The following ZBTB34 variants were observed in gnomAD, a reference collection of about 807,000 sequenced individuals.
ZBTB34 encodes the protein zinc finger and BTB domain containing 34, also known as zinc finger and BTB domain-containing protein 34.
A neutral mutation model predicts 33.4 loss-of-function variants in ZBTB34; 1 was observed. That is an observed-to-expected ratio of 0.03 (90% confidence interval 0.01 to 0.14). The LOEUF is 0.14. ZBTB34 is among the 10% of genes least tolerant of loss of function. The probability of loss-of-function intolerance (pLI) is 1.00; values close to 1 mark genes in which losing one functional copy is unlikely to be tolerated. For missense variants in ZBTB34, 406 were observed against 657.2 expected (o/e 0.62, Z 4.18); for synonymous variants, 283 against 253.5 (o/e 1.12, Z -1.11).
At chr9:126,867,283 T>C (rs10819241) in intron 1 of ZBTB34, among the ~76,000 whole-genome samples, 70,577 of 151,848 alleles carry the variant, frequency 0.46, 19,225 homozygotes, top group Non-Finnish European at 0.61. Context: ...TTGATAGATA[T>C]TACCAAATTA....
chr9:126,883,179 A>G lies in ZBTB34; in HGVS notation c.*2265A>G, dbSNP rs536785248. 6 of 166,348 alleles carry G rather than the reference A, an allele frequency of 3.6e-5. No individual in the cohort carries two copies. In the South Asian group the frequency reaches 6.2e-4, roughly 17 times the overall value. 10.3% of individuals were successfully genotyped at this position (166,348 alleles called of 1,614,324 possible). ...TGTTTGTGGGTTTTTTTTTCCTTAC[A>G]TGAATAAGTTTGGTTTTGATTTTTT... On this transcript the variant is annotated 3_prime_UTR_variant, in exon 2 of 2. Coordinates refer to ENST00000319119, the Ensembl canonical transcript of ZBTB34.
intron 1 of ZBTB34, among the ~76,000 whole-genome samples, chr9:126,862,439 G>GC (rs1320283160): frequency 6.6e-6 from 1 of 152,116 alleles, no homozygotes; most frequent in African/African-American, 2.4e-5. Flanking sequence ...GGTATGTCCA[G>GC]CCACCGCCCA....
rs146615070 is a variant in ZBTB34, at chr9:126,882,318, T to C, written c.*1404T>C. ...TAGAAAATGTGAAATCTGATGGTAATAATGAATTATAATTGTTTTCCTCTC... is the reference window on the plus strand; with the variant it reads ...TAGAAAATGTGAAATCTGATGGTAACAATGAATTATAATTGTTTTCCTCTC... On this transcript the variant is annotated 3_prime_UTR_variant, in exon 2 of 2. Transcript: ENST00000319119. 20 of 167,262 alleles carry C rather than the reference T, an allele frequency of 1.2e-4. No individual in the cohort carries two copies. In the East Asian group the frequency reaches 2.5e-3, roughly 21 times the overall value. The allele number at this position is 167,262 out of a possible 1,614,324, so 10.4% of individuals were successfully genotyped here.
Position 126,880,146 on chromosome 9 carries a change from C to G in ZBTB34, c.747C>G (p.Ser249Arg). Reference sequence around the variant, plus strand: ...AGATGGAGAAGTCCGACCGGCCCAGCTGTTCCGACAGCTCCTCCCTGGGTG... The same window carrying G: ...AGATGGAGAAGTCCGACCGGCCCAGGTGTTCCGACAGCTCCTCCCTGGGTG... Residue 249 changes from serine (S) to arginine (R), a missense_variant, in exon 2 of 2, where the codon AGC (serine) becomes AGG (arginine). This residue lies in a region of ZBTB34 where 137 missense variants were observed against 173.0 expected (regional missense o/e 0.79). Coordinates refer to ENST00000319119, the Ensembl canonical transcript of ZBTB34. This position sits in a 1 kb window ranked among gnomAD's most constrained non-coding sequence, Gnocchi z 6.7. The G allele has an allele frequency of 6.2e-7, 1 of 1,613,788 alleles. No individual in the cohort carries two copies.
intron 1 of ZBTB34, among the ~76,000 whole-genome samples, chr9:126,861,211 T>TGCCTCACGCCACC (rs2033139353): frequency 2.0e-5 from 3 of 152,104 alleles, no homozygotes; most frequent in African/African-American, 7.2e-5. Flanking sequence ...ACGGAGCCGC[T>TGCCTCACGCCACC]GCCTCACGCC....
chr9:126,878,869 G>A (rs777470441), intron 1 of ZBTB34, among the ~76,000 whole-genome samples: 3 of 151,958 alleles, frequency 2.0e-5, no homozygotes, highest in East Asian at 3.9e-4. Flanking sequence ...AATTACAGGT[G>A]CACAACACCA....
chr9:126,862,601 C>T (rs2119203085), intron 1 of ZBTB34, among the ~76,000 whole-genome samples: 1 of 152,298 alleles, frequency 6.6e-6, no homozygotes, highest in Non-Finnish European at 1.5e-5. Flanking sequence ...GCACTGGCCT[C>T]CTTTTTCTTT....
At chr9:126,865,876 T>C (rs947331475) in intron 1 of ZBTB34, among the ~76,000 whole-genome samples, 9 of 152,080 alleles carry the variant, frequency 5.9e-5, no homozygotes, top group Admixed American at 5.9e-4. Context: ...TCCCAGCTAC[T>C]CAGGAGGCTG....
intron 1 of ZBTB34, among the ~76,000 whole-genome samples, chr9:126,866,649 T>G (rs899356694): frequency 1.3e-5 from 2 of 152,186 alleles, no homozygotes; most frequent in African/African-American, 4.8e-5. Flanking sequence ...TCCTTGTAGT[T>G]CTTCGTTTCT....
intron 1 of ZBTB34, among the ~76,000 whole-genome samples, chr9:126,877,732 C>T (rs555663425): frequency 3.2e-4 from 48 of 152,268 alleles, no homozygotes; most frequent in African/African-American, 7.2e-4. Context: ...TGGCAGAGCG[C>T]GGTGGCTCAC....
At chr9:126,881,540 C>T (rs1174706655) in exon 2 of ZBTB34, 2 of 166,876 alleles carry the variant, frequency 1.2e-5, no homozygotes, top group Admixed American at 1.3e-4. Context: ...CTTCATTTCC[C>T]TTACAAAAGA....
At chr9:126,868,299 T>G (rs1414648765) in intron 1 of ZBTB34, among the ~76,000 whole-genome samples, 1 of 152,198 alleles carries the variant, frequency 6.6e-6, no homozygotes, top group Non-Finnish European at 1.5e-5. Flanking sequence ...GCAGCATTAC[T>G]TACCAAGCCT....
intron 1 of ZBTB34, among the ~76,000 whole-genome samples, chr9:126,871,184 T>G (rs908355803): frequency 6.5e-5 from 8 of 123,384 alleles, no homozygotes; most frequent in Non-Finnish European, 1.4e-4. Context: ...GTGAGGGGGG[T>G]GTGTGTGTGT....
At chr9:126,870,231 A>G (rs1588386798) in intron 1 of ZBTB34, among the ~76,000 whole-genome samples, 1 of 152,198 alleles carries the variant, frequency 6.6e-6, no homozygotes, top group South Asian at 2.1e-4. Flanking sequence ...TGAAAAACTA[A>G]TATAAATCAC....
chr9:126,863,694 T>G, intron 1 of ZBTB34: 1 of 985,440 alleles, frequency 1.0e-6, no homozygotes, highest in Non-Finnish European at 1.2e-6. Context: ...GAAAACCTCA[T>G]GGAAGAATGC....
intron 1 of ZBTB34, among the ~76,000 whole-genome samples, chr9:126,869,883 A>G (rs2033255953): frequency 6.6e-6 from 1 of 152,214 alleles, no homozygotes; most frequent in Non-Finnish European, 1.5e-5. Flanking sequence ...TGAACTTACC[A>G]AAAAACCATT....
At position 126,880,439 on chromosome 9, in the gene ZBTB34, G is replaced by T. The variant is rs1456488534; in HGVS notation, c.1040G>T (p.Ser347Ile). The change falls in exon 2 of 2, where the codon AGT becomes ATT. Residue 347 changes from serine to isoleucine, a missense_variant. By Grantham distance (142) the Ser-to-Ile change is moderately radical. This residue lies in a region of ZBTB34 where 123 missense variants were observed against 140.4 expected (regional missense o/e 0.88). Transcript: ENST00000319119. This position sits in a 1 kb window ranked among gnomAD's most constrained non-coding sequence, Gnocchi z 6.7. ...CAGGGCCTGGTGCAGGGCTCTGACAGTGAAGCCATGATGAACAACCCCGGG... is the reference window on the plus strand; with the variant it reads ...CAGGGCCTGGTGCAGGGCTCTGACATTGAAGCCATGATGAACAACCCCGGG... 4 of 1,613,618 alleles carry T rather than the reference G, an allele frequency of 2.5e-6. No homozygotes were observed. The highest frequency in any genetic ancestry group is 1.1e-5 in the South Asian group (1 of 91,076).
chr9:126,870,948 C>G (rs555041303), intron 1 of ZBTB34, among the ~76,000 whole-genome samples: 1 of 151,896 alleles, frequency 6.6e-6, no homozygotes, highest in South Asian at 2.1e-4. Context: ...AGCAGCACAT[C>G]AAAACAATGA....
chr9:126,881,458 T>C (rs149772438), exon 2 of ZBTB34: 8 of 166,224 alleles, frequency 4.8e-5, no homozygotes, highest in Non-Finnish European at 1.0e-4. Context: ...AAGAGGAATA[T>C]ATAATTTAAT....
Sources: allele counts gnomAD v4.1 joint callset (sites outside exome capture counted in the v4.1 genomes callset), GRCh38; gene constraint gnomAD v4.1.1; regional missense constraint gnomAD v4.1.1; non-coding constraint Gnocchi (gnomAD v3.1); transcripts MANE v1.5; gene names NCBI Gene and HGNC (gene_info 2026-07-23, HGNC 2026-07-21).